Variants in ROBO2 observed in about 807,000 individuals in gnomAD.
The protein encoded by ROBO2 is roundabout homolog 2.
A neutral mutation model predicts 160.8 loss-of-function variants in ROBO2; 53 were observed. The ratio of observed to expected loss-of-function variants is 0.33; its 90% confidence interval spans 0.26 to 0.41. ROBO2 has a LOEUF of 0.41. ROBO2 is among the 10% of genes least tolerant of loss of function. ROBO2 has a pLI of 1.00. For missense variants in ROBO2, 1,577 were observed against 1,722.4 expected (o/e 0.92, Z 1.49); for synonymous variants, 664 against 611.7 (o/e 1.09, Z -1.26).
intron 2 of ROBO2, among the ~76,000 whole-genome samples, chr3:76,112,317 T>G (rs1258496561): frequency 6.6e-6 from 1 of 152,160 alleles, no homozygotes; most frequent in East Asian, 1.9e-4. Flanking sequence ...ACTATTATTA[T>G]CATGGGCATC....
intron 2 of ROBO2, among the ~76,000 whole-genome samples, chr3:76,578,199 T>G (rs1054126819): frequency 1.3e-5 from 2 of 152,150 alleles, no homozygotes; most frequent in African/African-American, 4.8e-5. Context: ...AAATAAATCT[T>G]CATGGGTGAA....
intron 2 of ROBO2, among the ~76,000 whole-genome samples, chr3:76,997,227 A>G (rs2061067538): frequency 6.6e-6 from 1 of 152,184 alleles, no homozygotes; most frequent in Non-Finnish European, 1.5e-5. Context: ...CACTTTAATC[A>G]ATACTTTTTA....
chr3:76,106,650 T>G (rs2069947242), intron 2 of ROBO2, among the ~76,000 whole-genome samples: 1 of 152,136 alleles, frequency 6.6e-6, no homozygotes, highest in Non-Finnish European at 1.5e-5. Context: ...AAATTATGAA[T>G]TGAATGAGAG....
At chr3:77,518,628 A>T (rs979220315) in intron 5 of ROBO2, among the ~76,000 whole-genome samples, 1 of 151,510 alleles carries the variant, frequency 6.6e-6, no homozygotes, top group Non-Finnish European at 1.5e-5. Context: ...ACATCATTTC[A>T]CTAGGCTCTG....
chr3:77,576,969 CAT>C (rs1433463614), intron 14 of ROBO2, among the ~76,000 whole-genome samples: 21 of 152,084 alleles, frequency 1.4e-4, no homozygotes, highest in Admixed American at 1.0e-3. Flanking sequence ...TCAGAAATAA[CAT>C]GTGATAAATA....
chr3:76,950,221 A>G (rs956858899), intron 2 of ROBO2, among the ~76,000 whole-genome samples: 2 of 152,202 alleles, frequency 1.3e-5, no homozygotes, highest in African/African-American at 4.8e-5. Flanking sequence ...TACGGTGTTC[A>G]GTTTAAAGAG....
rs116684270 is a variant in ROBO2 at position 77,444,702 on chromosome 3, C to T, written c.389-32712C>T. Among the ~76,000 whole-genome samples, 1,295 of 152,064 alleles carry T rather than the reference C, an allele frequency of 8.5e-3. 19 individuals are homozygous for T. The highest frequency in any genetic ancestry group is 0.029 in the African/African-American group (1,202 of 41,488). On this transcript the variant is annotated intron_variant, in intron 2 of 25. Coordinates refer to ENST00000461745, the Ensembl canonical transcript of ROBO2. ...GCTCTCAGTGGATGACGTATAAAAT[C>T]CTATGTGGGAAAAAAGGCAGAAAAT...
chr3:76,033,101 CAA>C (rs4054054), intron 2 of ROBO2, among the ~76,000 whole-genome samples: 93,396 of 150,832 alleles, frequency 0.62, 29,796 homozygotes, highest in African/African-American at 0.79. Context: ...GATATAACAG[CAA>C]AAAAAAAAAA....
chr3:76,525,329 G>A (rs562288841), intron 2 of ROBO2, among the ~76,000 whole-genome samples: 7 of 151,886 alleles, frequency 4.6e-5, no homozygotes, highest in African/African-American at 1.7e-4. Context: ...TTGGTTTTAT[G>A]TTTTAAATAT....
chr3:77,008,608 G>A (rs2061706745), intron 2 of ROBO2, among the ~76,000 whole-genome samples: 1 of 152,096 alleles, frequency 6.6e-6, no homozygotes, highest in Non-Finnish European at 1.5e-5. Context: ...GATTCCTTTG[G>A]ACTTTACTTC....
chr3:75,999,328 A>G (rs1216596359), intron 2 of ROBO2, among the ~76,000 whole-genome samples: 2 of 152,194 alleles, frequency 1.3e-5, no homozygotes, highest in African/African-American at 4.8e-5. Context: ...CTACAAGTCC[A>G]AGGGTTAATC....
chr3:76,210,335 A>G (rs1459741607), intron 2 of ROBO2, among the ~76,000 whole-genome samples: 4 of 152,078 alleles, frequency 2.6e-5, no homozygotes, highest in East Asian at 1.9e-4. Context: ...AAGGAAAGCT[A>G]AAAAATCAGT....
chr3:77,494,115 T>G (rs2086481242), intron 5 of ROBO2, among the ~76,000 whole-genome samples: 1 of 152,198 alleles, frequency 6.6e-6, no homozygotes, highest in Admixed American at 6.5e-5. Flanking sequence ...AATAAGTAAT[T>G]CAAGTGTTTT....
At chr3:76,287,817 G>T (rs905102208) in intron 2 of ROBO2, among the ~76,000 whole-genome samples, 1 of 152,160 alleles carries the variant, frequency 6.6e-6, no homozygotes, top group Non-Finnish European at 1.5e-5. Flanking sequence ...ATACATATCT[G>T]CACTTAGAAA....
At chr3:76,050,409 T>C (rs1044264248) in intron 2 of ROBO2, among the ~76,000 whole-genome samples, 1 of 152,082 alleles carries the variant, frequency 6.6e-6, no homozygotes, top group African/African-American at 2.4e-5. Flanking sequence ...CTTTTGCAGT[T>C]TGGGGACTCA....
intron 2 of ROBO2, among the ~76,000 whole-genome samples, chr3:76,406,533 G>A (rs577229909): frequency 1.3e-5 from 2 of 151,816 alleles, no homozygotes; most frequent in South Asian, 4.1e-4. Context: ...CAAGAGGGAA[G>A]GAGTGGTTAC....
intron 2 of ROBO2, among the ~76,000 whole-genome samples, chr3:76,210,556 G>C (rs575995540): frequency 2.6e-5 from 4 of 151,970 alleles, no homozygotes; most frequent in African/African-American, 9.7e-5. Flanking sequence ...TTTATTTTTA[G>C]CCTGATTAAG....
chr3:76,641,947 TG>T (rs971897962), intron 2 of ROBO2, among the ~76,000 whole-genome samples: 5 of 152,056 alleles, frequency 3.3e-5, no homozygotes, highest in African/African-American at 1.2e-4. Flanking sequence ...CTCGAACTCT[TG>T]GGCTCAAGTT....
chr3:76,367,546 T>C (rs544728570), intron 2 of ROBO2, among the ~76,000 whole-genome samples: 1 of 152,112 alleles, frequency 6.6e-6, no homozygotes, highest in Admixed American at 6.6e-5. Flanking sequence ...CACAGTGAAA[T>C]GCTCACACTC....
Sources: allele counts gnomAD v4.1 joint callset (sites outside exome capture counted in the v4.1 genomes callset), GRCh38; gene constraint gnomAD v4.1.1; transcripts MANE v1.5; gene names NCBI Gene and HGNC (gene_info 2026-07-23, HGNC 2026-07-21).